ENTPD2: variants seen among roughly 807,000 people sequenced by gnomAD.
The protein encoded by ENTPD2 is ectonucleoside triphosphate diphosphohydrolase 2.
ENTPD2 carries 48 observed loss-of-function variants against 46.8 expected under a neutral mutation model. That is an observed-to-expected ratio of 1.03 (90% CI 0.81 to 1.30). ENTPD2 has a LOEUF of 1.30. Among genes scored for constraint, ENTPD2 ranks in the 50% most tolerant of loss-of-function variants. The pLI, the probability that ENTPD2 is intolerant of heterozygous loss-of-function variation, is 0.00. For synonymous variants in ENTPD2, 316 were observed against 286.1 expected, an observed-to-expected ratio of 1.10 and a Z score of -1.06; for missense variants, 707 against 651.1, an observed-to-expected ratio of 1.09 and a Z score of -0.93.
intron 1 of ENTPD2, among the ~76,000 whole-genome samples, chr9:137,053,669 G>C (rs890999226): frequency 5.7e-4 from 87 of 152,226 alleles, no homozygotes; most frequent in African/African-American, 2.1e-3. Flanking sequence ...TCAGCACCGC[G>C]TCGCCCTGGA....
In ENTPD2 at chr9:137,052,352, C is replaced by T. The variant is rs2271867; in HGVS notation, c.118-4G>A. On this transcript the variant is annotated splice_polypyrimidine_tract_variant and splice_region_variant and intron_variant, in intron 1 of 8. Coordinates refer to ENST00000355097, the MANE Select transcript of ENTPD2 (RefSeq NM_203468.3). ...CAGCGTCCAGGACGATGCCATACTG[C>T]GGGGGAGGGGGAGGGAGTCAGCCTG... is the stretch of plus-strand genomic sequence containing the variant. The T allele has an allele frequency of 4.5e-6, 7 of 1,565,178 alleles. No individual in the cohort carries two copies. Among genetic ancestry groups the T allele is most frequent in the Non-Finnish European group, 6.1e-6 (7 of 1,141,462 alleles).
intron 1 of ENTPD2, 96 bp from the exon 2 acceptor site, chr9:137,052,444 T>TGC: frequency 3.7e-6 from 3 of 806,448 alleles, no homozygotes; most frequent in Middle Eastern, 3.3e-4. Context: ...TTGCCACCGC[T>TGC]CCCCCCCCCA....
In ENTPD2 at chr9:137,050,381, C is replaced by A; in HGVS notation, c.932G>T (p.Arg311Leu). The change falls in exon 6 of 9, where the codon CGA becomes CTA. Residue 311 changes from arginine (R) to leucine (L), a missense_variant. Arg to Leu is a moderately radical substitution (Grantham distance 102). Transcript: ENST00000355097. ...LSGSSDPHLCRDLVSGLFSFS... is the reference protein window; with the variant it reads ...LSGSSDPHLCLDLVSGLFSFS... ...GCTGAAGAGCCCAGAAACCAGATCT[C>A]GGCAGAGGTGGGGGTCACTGCTCCC... The A allele has an allele frequency of 6.2e-7, 1 of 1,613,052 alleles. No individual in the cohort carries two copies. The highest frequency in any genetic ancestry group is 8.5e-7 in the Non-Finnish European group (1 of 1,180,000).
intron 7 of ENTPD2, chr9:137,049,646 G>T: frequency 1.9e-6 from 1 of 540,310 alleles, no homozygotes; most frequent in Non-Finnish European, 3.2e-6. Context: ...CTGCCCTCCA[G>T]ATCTGGGATG....
Position 137,051,081 on chromosome 9 carries a change from C to T in ENTPD2, c.595G>A (p.Ala199Thr). Residue 199 changes from alanine (A) to threonine (T), a missense_variant, in exon 5 of 9, where the codon GCC (alanine) becomes ACC (threonine). Ala to Thr is a moderately conservative substitution (Grantham distance 58). Transcript: ENST00000355097. ...WFRPRKGTLGAMDLGGASTQI... is the reference protein window; with the variant it reads ...WFRPRKGTLGTMDLGGASTQI... Reference sequence around the variant, plus strand: ...GTAGAGGCACCCCCCAGGTCCATGGCCCCCAGTGTCCCCTTCCGTGGCCGG... The same window carrying T: ...GTAGAGGCACCCCCCAGGTCCATGGTCCCCAGTGTCCCCTTCCGTGGCCGG... The T allele has an allele frequency of 1.2e-6, 2 of 1,612,782 alleles. No individual in the cohort carries two copies. Among genetic ancestry groups the T allele is most frequent in the Non-Finnish European group, 1.7e-6 (2 of 1,179,982 alleles).
intron 7 of ENTPD2, 38 bp downstream of exon 7, chr9:137,049,832 C>G: frequency 6.3e-7 from 1 of 1,586,726 alleles, no homozygotes; most frequent in South Asian, 1.1e-5. Context: ...AGGCTGAGCC[C>G]TTCCGCACAG....
chr9:137,051,164 C>A, intron 4 of ENTPD2, 35 bp from the exon 5 acceptor site: 1 of 1,611,792 alleles, frequency 6.2e-7, no homozygotes, highest in Non-Finnish European at 8.5e-7. Context: ...AACCAGGGGC[C>A]GAGGGCGCCC....
chr9:137,052,392 C>T, intron 1 of ENTPD2, 44 bp from the exon 2 acceptor site: 4 of 1,368,164 alleles, frequency 2.9e-6, no homozygotes, highest in Non-Finnish European at 4.1e-6. Context: ...GTCCGGGGGC[C>T]CTGACACCCT....
In ENTPD2 at chr9:137,050,963, T is replaced by TGG. The variant is rs1832278179; in HGVS notation, c.711_712dup (p.His238ProfsTer138). ...GTCACGGCCATAGCAGAGGAAGCTG[T>TGG]GGGTGTAGACTCGGTAGTGCTGGCC... On this transcript the variant is annotated frameshift_variant, in exon 5 of 9. Coordinates refer to ENST00000355097, the MANE Select transcript of ENTPD2 (RefSeq NM_203468.3). LOFTEE classifies it high-confidence loss of function. 1 of 1,612,648 alleles carries TGG rather than the reference T, an allele frequency of 6.2e-7. No individual in the cohort carries two copies. Among genetic ancestry groups the TGG allele is most frequent in the African/African-American group, 1.3e-5 (1 of 74,902 alleles).
intron 3 of ENTPD2, 34 bp downstream of exon 3, chr9:137,051,476 C>G: frequency 6.4e-7 from 1 of 1,560,422 alleles, no homozygotes; most frequent in Non-Finnish European, 8.7e-7. Context: ...CAAAGGCCAT[C>G]ATGGGGACAG....
In ENTPD2 at chr9:137,051,276, A is replaced by AGAGGAT; in HGVS notation, c.475_480dup (p.Ile159_Leu160dup). The AGAGGAT allele has an allele frequency of 6.2e-7, 1 of 1,612,424 alleles. No homozygotes were observed. The highest frequency in any genetic ancestry group is 1.3e-5 in the African/African-American group (1 of 75,038). On this transcript the variant is annotated inframe_insertion, in exon 4 of 9. Coordinates refer to ENST00000355097, the MANE Select transcript of ENTPD2 (RefSeq NM_203468.3). ...CCAAACACCCCCTCTTCCTGGCCCG[A>AGAGGAT]GAGGATGCGTGCACCCCGGAAGTCA...
rs141498031 is a variant in ENTPD2, at chr9:137,048,711, C to G, written c.1434G>C (p.Ala478=). The G allele has an allele frequency of 8.5e-5, 137 of 1,606,208 alleles. No individual in the cohort carries two copies. The Middle Eastern group carries it at 1.2e-3, about 14-fold the overall frequency. ...GCACCTGACGCAGCAGCAGGACAAG[C>G]GCAGCCAGGAGCGCGGAGGCGAAGA... ...LLLFASALLA[A]LVLLLRQVHS... The change falls in exon 9 of 9, where the codon GCG becomes GCC. Residue 478 remains alanine (A), a synonymous_variant. Coordinates refer to ENST00000355097, the MANE Select transcript of ENTPD2 (RefSeq NM_203468.3).
In ENTPD2 at chr9:137,048,644, C is replaced by T. The variant is rs1273962502; in HGVS notation, c.*13G>A. 1.9e-6 allele frequency: 3 copies of T among 1,557,742 alleles called. No individual in the cohort carries two copies. The highest frequency in any genetic ancestry group is 1.2e-5 in the South Asian group (1 of 84,894). On this transcript the variant is annotated 3_prime_UTR_variant, in exon 9 of 9. Transcript: ENST00000355097. ...GGTTGGGGGAGGGATGGGGCAGCTG[C>T]CCCCGTCGGCCCCTAAATGGTGCTT...
rs1420293216 is a variant in ENTPD2, at chr9:137,048,768, T to C, written c.1377A>G (p.Thr459=). 1.9e-6 allele frequency: 3 copies of C among 1,599,636 alleles called. No homozygotes were observed. Among genetic ancestry groups the C allele is most frequent in the Non-Finnish European group, 8.5e-7 (1 of 1,173,064 alleles). ...GGAGGACGACCCAGGAGCTGAAGTC[T>C]GTGCCCTTGCGCAGCCCCGGCGGGT... The part of the protein sequence containing the change: ...PADPPGLRKG[T]DFSSWVVLLL... Residue 459 remains threonine (T), a synonymous_variant, in exon 9 of 9, where the codon ACA becomes ACG. Transcript: ENST00000355097.
chr9:137,049,818 G>A, intron 7 of ENTPD2, 52 bp downstream of exon 7: 1 of 1,560,108 alleles, frequency 6.4e-7, no homozygotes, highest in Non-Finnish European at 8.7e-7. Flanking sequence ...GCATGCGGAG[G>A]CGGAGGCTGA....
In ENTPD2 at chr9:137,051,083, C is replaced by T. The variant is rs781040746; in HGVS notation, c.593G>A (p.Gly198Glu). 1 of 1,612,850 alleles carries T rather than the reference C, an allele frequency of 6.2e-7. No homozygotes were observed. Among genetic ancestry groups the T allele is most frequent in the African/African-American group, 1.3e-5 (1 of 75,048 alleles). Residue 198 changes from glycine to glutamate, a missense_variant, in exon 5 of 9, where the codon GGG becomes GAG. Coordinates refer to ENST00000355097, the MANE Select transcript of ENTPD2 (RefSeq NM_203468.3). ...RWFRPRKGTL[G>E]AMDLGGASTQ... is the part of the protein sequence containing the mutation. ...AGAGGCACCCCCCAGGTCCATGGCC[C>T]CCAGTGTCCCCTTCCGTGGCCGGAA...
Position 137,054,012 on chromosome 9 carries a change from G to T in ENTPD2, c.-15C>A. 8.3e-7 allele frequency: 1 copy of T among 1,207,328 alleles called. No homozygotes were observed. Among genetic ancestry groups the T allele is most frequent in the Non-Finnish European group, 1.0e-6 (1 of 971,404 alleles). The allele number at this position is 1,207,328 out of a possible 1,614,324, so 74.8% of individuals were successfully genotyped here. A position where few individuals can be genotyped will look rare whatever the true frequency, so the allele number is the denominator to read the frequency against. On this transcript the variant is annotated 5_prime_UTR_variant, in exon 1 of 9. Coordinates refer to ENST00000355097, the MANE Select transcript of ENTPD2 (RefSeq NM_203468.3). The stretch of plus-strand genomic sequence containing the variant: ...TTCCCGGCCATGGGCGGGCGGGCGC[G>T]CGGGAGGACGATGCGTGGACCCGGA...
At position 137,052,250 on chromosome 9, in the gene ENTPD2, G is replaced by A. The variant is rs759020463; in HGVS notation, c.216C>T (p.His72=). 1.2e-6 allele frequency: 2 copies of A among 1,612,770 alleles called. No homozygotes were observed. The highest frequency in any genetic ancestry group is 1.7e-5 in the Admixed American group (1 of 60,016). ...KENDTGIVGQ[H]SSCDVPGGGI... is the part of the protein sequence containing the mutation. ...CCTCACCTGGAACATCACAGGAGCT[G>A]TGCTGGCCCACAATGCCTGTGTCGT... is the stretch of plus-strand genomic sequence containing the variant. The change falls in exon 2 of 9, where the codon CAC becomes CAT. Residue 72 remains histidine (H), a synonymous_variant. Transcript: ENST00000355097.
In ENTPD2 at chr9:137,054,020, A is replaced by G. The variant is rs1832355209; in HGVS notation, c.-23T>C. ...CATGGGCGGGCGGGCGCGCGGGAGGACGATGCGTGGACCCGGAGAGTGCGG... is the reference window on the plus strand; with the variant it reads ...CATGGGCGGGCGGGCGCGCGGGAGGGCGATGCGTGGACCCGGAGAGTGCGG... On this transcript the variant is annotated 5_prime_UTR_variant, in exon 1 of 9. Transcript: ENST00000355097. 3 of 1,195,602 alleles carry G rather than the reference A, an allele frequency of 2.5e-6. No homozygotes were observed. The allele number at this position is 1,195,602 out of a possible 1,614,324, so 74.1% of individuals were successfully genotyped here. A position where few individuals can be genotyped will look rare whatever the true frequency, so the allele number is the denominator to read the frequency against.
Sources: gnomAD v4.1 joint callset for allele counts (sites outside exome capture counted in the v4.1 genomes callset) on GRCh38, gnomAD v4.1.1 for gene constraint, MANE v1.5 for transcripts, NCBI Gene and HGNC (gene_info 2026-07-23, HGNC 2026-07-21) for gene names.